TCAF1: variants seen among roughly 807,000 people sequenced by gnomAD.
TCAF1 encodes TRPM8 channel-associated factor 1.
TCAF1 carries 4 observed loss-of-function variants against 27.3 expected under a neutral mutation model. The observed-to-expected ratio is 0.15, with a 90% CI of 0.07 to 0.34. TCAF1 has a LOEUF of 0.34. Ranked by LOEUF, TCAF1 falls within the 10% of genes least tolerant of loss-of-function variation. TCAF1 has a pLI of 1.00. For missense variants in TCAF1, 257 were observed against 425.8 expected (o/e 0.60, Z 3.49); for synonymous variants, 105 against 167.1 (o/e 0.63, Z 2.87).
At chr7:143,882,674 G>A (rs13240033) in intron 1 of TCAF1, 320 of 983,058 alleles carry the variant, frequency 3.3e-4, no homozygotes, top group Non-Finnish European at 3.8e-4. Context: ...CAGCACCCAG[G>A]CCGAGTCCAC....
At chr7:143,900,767 C>G (rs763961501) in intron 1 of TCAF1, among the ~76,000 whole-genome samples, 6 of 152,116 alleles carry the variant, frequency 3.9e-5, no homozygotes, top group Non-Finnish European at 5.9e-5. Flanking sequence ...TAGAAACAAT[C>G]CAATGTCCAT....
chr7:143,901,732 A>AG lies in TCAF1; in HGVS notation c.-15+228dup, dbSNP rs529941781. Among the ~76,000 whole-genome samples, 26 of 152,250 alleles carry AG rather than the reference A, an allele frequency of 1.7e-4. 1 individual carries two copies. Among genetic ancestry groups the AG allele is most frequent in the South Asian group, 4.1e-4 (2 of 4,828 alleles). Reference sequence around the variant, plus strand: ...AGCAAAAAACAAATCCTACGAAAATAGGGGGGGTCATCGCCTCCTGCCCAG... The same window carrying AG: ...AGCAAAAAACAAATCCTACGAAAATAGGGGGGGGTCATCGCCTCCTGCCCAG... On this transcript the variant is annotated intron_variant, in intron 1 of 8. Transcript: ENST00000479870.
chr7:143,885,972 C>A (rs1398315153), intron 1 of TCAF1, among the ~76,000 whole-genome samples: 1 of 152,192 alleles, frequency 6.6e-6, no homozygotes, highest in Non-Finnish European at 1.5e-5. Flanking sequence ...AAGCAGCTGG[C>A]AGCGGCTTCT....
chr7:143,860,044 A>AT (rs1811934309), intron 6 of TCAF1, among the ~76,000 whole-genome samples, 164 bp downstream of exon 6: 2 of 78,084 alleles, frequency 2.6e-5, no homozygotes, highest in African/African-American at 1.1e-4. Flanking sequence ...TATAATATAT[A>AT]ATATATATTA....
rs1189738036 is a variant in TCAF1 at position 143,867,718 on chromosome 7, T to C, written c.621-3922A>G. ...TAGGCAAAAATTGCAAAGGTCAAGG[T>C]CAGATATTTTCTCCTATGCTTTCAT... On this transcript the variant is annotated intron_variant, in intron 2 of 8. Coordinates refer to ENST00000479870, the MANE Select transcript of TCAF1 (RefSeq NM_014719.3). Among the ~76,000 whole-genome samples the C allele has an allele frequency of 7.4e-5, 6 of 80,592 alleles. 3 individuals carry two copies. The highest frequency in any genetic ancestry group is 2.9e-4 in the Admixed American group (2 of 7,002). 52.9% of individuals were successfully genotyped at this position (80,592 alleles called of 152,430 possible).
rs1324544732 is a variant in TCAF1, at chr7:143,888,669, T to C, written c.-14-12047A>G. ...TTGAGGTGGTCCCAATTTGCTAATG[T>C]ATTCAATTGGAAGATGCACATGCAT... On this transcript the variant is annotated intron_variant, in intron 1 of 8. Transcript: ENST00000479870. Among the ~76,000 whole-genome samples the C allele has an allele frequency of 3.3e-5, 5 of 152,250 alleles. No homozygotes were observed. The East Asian group carries it at 9.6e-4, about 29-fold the overall frequency.
chr7:143,890,789 G>C (rs1034589898), intron 1 of TCAF1, among the ~76,000 whole-genome samples: 1 of 152,202 alleles, frequency 6.6e-6, no homozygotes, highest in African/African-American at 2.4e-5. Flanking sequence ...AACCAGACAA[G>C]TTAATCTAAA....
At chr7:143,864,983 CATTT>C (rs1340695724) in intron 2 of TCAF1, among the ~76,000 whole-genome samples, 3 of 149,196 alleles carry the variant, frequency 2.0e-5, no homozygotes, top group Non-Finnish European at 3.0e-5. Flanking sequence ...AGATTTGTAA[CATTT>C]ATTTATTTTA....
intron 1 of TCAF1, chr7:143,882,592 ACACCCAGACCCACGGCG>A: frequency 1.0e-6 from 1 of 985,486 alleles, no homozygotes; most frequent in Non-Finnish European, 1.2e-6. Context: ...TGATTTCGGC[ACACCCAGACCCACGGCG>A]CACCCATCGC....
At chr7:143,885,028 A>C in intron 1 of TCAF1, 1 of 985,376 alleles carries the variant, frequency 1.0e-6, no homozygotes, top group Non-Finnish European at 1.2e-6. Flanking sequence ...GTCCCAGGCC[A>C]AAAACGCGAC....
At chr7:143,893,302 A>T (rs1813734644) in intron 1 of TCAF1, among the ~76,000 whole-genome samples, 2 of 152,154 alleles carry the variant, frequency 1.3e-5, no homozygotes, top group African/African-American at 4.8e-5. Context: ...AAGAAAAGAC[A>T]AGTCCACAAG....
At chr7:143,881,439 T>C (rs145761456) in intron 1 of TCAF1, among the ~76,000 whole-genome samples, 2 of 152,306 alleles carry the variant, frequency 1.3e-5, no homozygotes, top group East Asian at 3.9e-4. Flanking sequence ...TTTTCCTTTC[T>C]ATATCCAGTG....
intron 1 of TCAF1, among the ~76,000 whole-genome samples, chr7:143,881,589 T>C (rs1310696270): frequency 1.3e-5 from 2 of 152,146 alleles, no homozygotes; most frequent in Non-Finnish European, 2.9e-5. Flanking sequence ...GGGATATAGA[T>C]GGTAATAATA....
At position 143,879,572 on chromosome 7, in the gene TCAF1, C is replaced by A. The variant is rs192626832; in HGVS notation, c.-14-2950G>T. 4.0e-4 allele frequency among the ~76,000 whole-genome samples: 61 copies of A among 152,220 alleles called. 1 individual carries two copies. Among genetic ancestry groups the A allele is most frequent in the Non-Finnish European group, 6.8e-4 (46 of 68,012 alleles). ...ACCCAACAACCTTTCTTCTAATAAC[C>A]GTTCTTACAGAACTAAGAAGGGCAG... On this transcript the variant is annotated intron_variant, in intron 1 of 8. Coordinates refer to ENST00000479870, the MANE Select transcript of TCAF1 (RefSeq NM_014719.3).
At chr7:143,884,855 T>A in intron 1 of TCAF1, 2 of 343,850 alleles carry the variant, frequency 5.8e-6, no homozygotes, top group Non-Finnish European at 8.2e-6. Flanking sequence ...ATATATTTCA[T>A]AATAAAATAA....
chr7:143,884,981 A>G (rs986626480), intron 1 of TCAF1: 43 of 985,256 alleles, frequency 4.4e-5, no homozygotes, highest in Non-Finnish European at 5.2e-5. Flanking sequence ...ACCCTTTTTG[A>G]AAGACATCTA....
intron 1 of TCAF1, among the ~76,000 whole-genome samples, chr7:143,897,134 ATATATATATAT>A (rs1813906617): frequency 6.8e-4 from 9 of 13,152 alleles, no homozygotes; most frequent in African/African-American, 4.4e-3. Flanking sequence ...AATCTTGAAT[ATATATATATAT>A]ATATATATAT....
chr7:143,858,364 TG>T (rs1461924459), intron 7 of TCAF1, among the ~76,000 whole-genome samples: 2 of 98,708 alleles, frequency 2.0e-5, no homozygotes, highest in East Asian at 6.1e-4. Context: ...AGTGAGAAGA[TG>T]GTACATTCAT....
Position 143,876,471 on chromosome 7 carries a change from C to T in TCAF1, c.138G>A (p.Gln46=). ...SFPVMVNDMG[Q]VLIAASSYGR... ...CATAGGAGGAGGCAGCAATGAGGACCTGGCCCATGTCATTCACCATCACAG... is the reference window on the plus strand; with the variant it reads ...CATAGGAGGAGGCAGCAATGAGGACTTGGCCCATGTCATTCACCATCACAG... Residue 46 remains glutamine (Q), a synonymous_variant, in exon 2 of 9, where the codon CAG becomes CAA. Coordinates refer to ENST00000479870, the MANE Select transcript of TCAF1 (RefSeq NM_014719.3). 1 of 1,603,982 alleles carries T rather than the reference C, an allele frequency of 6.2e-7. No homozygotes were observed. The highest frequency in any genetic ancestry group is 8.5e-7 in the Non-Finnish European group (1 of 1,175,700).
Sources: gnomAD v4.1 joint callset for allele counts (sites outside exome capture counted in the v4.1 genomes callset) on GRCh38, gnomAD v4.1.1 for gene constraint, MANE v1.5 for transcripts, NCBI Gene and HGNC (gene_info 2026-07-23, HGNC 2026-07-21) for gene names.